Variants in ANXA4 observed in about 807,000 individuals in gnomAD.
The protein encoded by ANXA4 is 35-beta calcimedin.
In ANXA4, 39 loss-of-function variants were observed where a neutral mutation model predicts 49.8. That is an observed-to-expected ratio of 0.78 (90% CI 0.61 to 1.02). The LOEUF (loss-of-function observed/expected upper bound fraction) is 1.02. Among genes scored for constraint, ANXA4 ranks in the 50% least tolerant of loss-of-function variants. The pLI, the probability that ANXA4 is intolerant of heterozygous loss-of-function variation, is 0.00. For missense variants in ANXA4, 360 were observed against 410.1 expected, an observed-to-expected ratio of 0.88 and a Z score of 1.05; for synonymous variants, 134 against 152.5, an observed-to-expected ratio of 0.88 and a Z score of 0.89.
chr2:69,800,864 A>G (rs542026632), intron 3 of ANXA4, among the ~76,000 whole-genome samples: 4 of 152,346 alleles, frequency 2.6e-5, no homozygotes, highest in Non-Finnish European at 4.4e-5. Context: ...AGTGAGGTTA[A>G]GAGTGGAAGT....
rs1672207393 is a variant in ANXA4, at chr2:69,781,714, T to C, written c.9+140T>C. 4.1e-5 allele frequency: 39 copies of C among 953,168 alleles called. No individual in the cohort carries two copies. In the Admixed American group the frequency reaches 8.5e-4, roughly 21 times the overall value. 59.0% of individuals were successfully genotyped at this position (953,168 alleles called of 1,614,324 possible). On this transcript the variant is annotated intron_variant, in intron 2 of 12. Transcript: ENST00000394295. ...GGAGGACATGAAAAGGCAGGTCTAT[T>C]TCTAAACATCATTTAAATTTCTTTT...
chr2:69,778,863 T>C lies in ANXA4; in HGVS notation c.-46-2657T>C, dbSNP rs1436094778. Among the ~76,000 whole-genome samples, 5 of 149,008 alleles carry C rather than the reference T, an allele frequency of 3.4e-5. 1 individual carries two copies. Among genetic ancestry groups the C allele is most frequent in the African/African-American group, 1.2e-4 (5 of 40,394 alleles). On this transcript the variant is annotated intron_variant, in intron 1 of 12. Coordinates refer to ENST00000394295, the MANE Select transcript of ANXA4 (RefSeq NM_001153.5). The stretch of plus-strand genomic sequence containing the variant: ...CTGTAGTCCCAGCACTTTGGGAGGC[T>C]GAGGTGGGCAGATCACTTGAGGTCA...
chr2:69,819,372 T>C (rs1407076583), intron 11 of ANXA4, 34 bp downstream of exon 11: 10 of 1,510,500 alleles, frequency 6.6e-6, no homozygotes, highest in Non-Finnish European at 9.1e-6. Context: ...CTAAATGAAT[T>C]TGAGTTATCT....
chr2:69,703,806 G>C (rs1678405628), intron 2 of ANXA4, among the ~76,000 whole-genome samples: 2 of 151,950 alleles, frequency 1.3e-5, no homozygotes, highest in African/African-American at 4.8e-5. Flanking sequence ...GAATCAAACT[G>C]GGTTATTTTT....
At chr2:69,694,360 C>T in intron 2 of ANXA4, among the ~76,000 whole-genome samples, 1 of 141,420 alleles carries the variant, frequency 7.1e-6, no homozygotes, top group Non-Finnish European at 1.6e-5. Flanking sequence ...GTAAACAATA[C>T]ATTTCTTTTT....
In ANXA4 at chr2:69,676,904, C is replaced by T. The variant is rs546199510; in HGVS notation, n.766+23622C>T. Among the ~76,000 whole-genome samples, 11 of 152,182 alleles carry T rather than the reference C, an allele frequency of 7.2e-5. No individual in the cohort carries two copies. The South Asian group carries it at 2.1e-3, about 29-fold the overall frequency. On this transcript the variant is annotated intron_variant and non_coding_transcript_variant, in intron 2 of 3. Transcript: ENST00000418066. ...CGGGGGAAAAAAACAAAAAAACACC[C>T]CTATTCCCATTCCTAATAGATAAAA...
chr2:69,733,339 C>T (rs532949364), intron 3 of ANXA4, among the ~76,000 whole-genome samples: 1 of 152,264 alleles, frequency 6.6e-6, no homozygotes, highest in South Asian at 2.1e-4. Context: ...CCTGGTGGCT[C>T]ACACCTGTAA....
In ANXA4 at chr2:69,651,732, G is replaced by A. The variant is rs532016745; in HGVS notation, n.482-1266G>A. 2.3e-3 allele frequency among the ~76,000 whole-genome samples: 338 copies of A among 148,056 alleles called. 1 individual carries two copies. The highest frequency in any genetic ancestry group is 4.1e-3 in the Non-Finnish European group (276 of 67,310). ...TTAGTCAAGATGGTCTCAATCTCCT[G>A]ACGTCGTGATCCCCCCATCTCGGCC... On this transcript the variant is annotated intron_variant and non_coding_transcript_variant, in intron 1 of 3. Transcript: ENST00000418066.
chr2:69,759,756 A>G (rs963807368), intron 1 of ANXA4, among the ~76,000 whole-genome samples: 12 of 152,178 alleles, frequency 7.9e-5, no homozygotes, highest in African/African-American at 2.9e-4. Context: ...CCAAAAAATA[A>G]TTTTTTGGCG....
intron 2 of ANXA4, among the ~76,000 whole-genome samples, chr2:69,669,636 T>G (rs1677085237): frequency 1.3e-5 from 2 of 151,980 alleles, no homozygotes; most frequent in Non-Finnish European, 2.9e-5. Context: ...TCATAGATTT[T>G]ACCATACAAT....
chr2:69,655,331 G>GA (rs1676395227), intron 2 of ANXA4, among the ~76,000 whole-genome samples: 2 of 151,798 alleles, frequency 1.3e-5, no homozygotes, highest in African/African-American at 2.4e-5. Flanking sequence ...AAATTTACAA[G>GA]AAAAAAACAG....
intron 3 of ANXA4, among the ~76,000 whole-genome samples, chr2:69,789,015 T>G (rs1672555011): frequency 6.6e-6 from 1 of 152,152 alleles, no homozygotes; most frequent in South Asian, 2.1e-4. Flanking sequence ...AATATACTCA[T>G]TATGGATTTC....
intron 3 of ANXA4, among the ~76,000 whole-genome samples, chr2:69,790,974 T>C (rs1266829338): frequency 6.6e-6 from 1 of 152,258 alleles, no homozygotes; most frequent in Non-Finnish European, 1.5e-5. Flanking sequence ...TTCAGTCCTA[T>C]ACTTGGCCTA....
intron 1 of ANXA4, among the ~76,000 whole-genome samples, chr2:69,780,422 C>T (rs1021104993): frequency 2.6e-5 from 4 of 152,212 alleles, no homozygotes; most frequent in Middle Eastern, 3.2e-3. Flanking sequence ...TCTCAAACTC[C>T]TGACCTCAAA....
chr2:69,720,421 G>A (rs986770039), intron 2 of ANXA4, among the ~76,000 whole-genome samples: 1 of 152,152 alleles, frequency 6.6e-6, no homozygotes, highest in Non-Finnish European at 1.5e-5. Context: ...AAGAAATTCA[G>A]GGGAGCTGAA....
intron 1 of ANXA4, among the ~76,000 whole-genome samples, chr2:69,768,430 A>T (rs1402215711): frequency 6.6e-6 from 1 of 152,184 alleles, no homozygotes; most frequent in African/African-American, 2.4e-5. Flanking sequence ...CCATTGAGAA[A>T]GGTCGTAAAG....
intron 2 of ANXA4, among the ~76,000 whole-genome samples, chr2:69,665,102 CAAAATAAACA>C (rs1279800510): frequency 6.6e-6 from 1 of 152,074 alleles, no homozygotes; most frequent in East Asian, 1.9e-4. Context: ...AACTCTGTTT[CAAAATAAACA>C]AAAATAAATA....
chr2:69,775,961 TTTTATTTATTTA>T (rs61468872), intron 1 of ANXA4, among the ~76,000 whole-genome samples: 1 of 104,466 alleles, frequency 9.6e-6, no homozygotes, highest in South Asian at 3.9e-4. Context: ...TTTATTTTTA[TTTTATTTATTTA>T]TTTATTTATT....
intron 2 of ANXA4, among the ~76,000 whole-genome samples, chr2:69,708,362 A>G (rs550232343): frequency 6.6e-6 from 1 of 152,326 alleles, no homozygotes; most frequent in South Asian, 2.1e-4. Context: ...AAAGACCATT[A>G]GAATTGTTCG....
Sources: allele counts gnomAD v4.1 joint callset (sites outside exome capture counted in the v4.1 genomes callset), GRCh38; gene constraint gnomAD v4.1.1; transcripts MANE v1.5; gene names NCBI Gene and HGNC (gene_info 2026-07-23, HGNC 2026-07-21).